The following SRRM4 variants were observed in gnomAD, a reference collection of about 807,000 sequenced individuals.
SRRM4 encodes the protein serine/arginine repetitive matrix protein 4.
SRRM4 carries 33 observed loss-of-function variants against 68.9 expected under a neutral mutation model. That is an observed-to-expected ratio of 0.48 (90% confidence interval 0.36 to 0.64). The LOEUF (loss-of-function observed/expected upper bound fraction) is 0.64, where lower values mean the gene tolerates loss of function less well. Among genes scored for constraint, SRRM4 ranks in the 30% least tolerant of loss-of-function variants. The probability of loss-of-function intolerance (pLI) is 0.00; values close to 1 mark genes in which losing one functional copy is unlikely to be tolerated. For missense variants in SRRM4, 817 were observed against 827.1 expected, an observed-to-expected ratio of 0.99 and a Z score of 0.15; for synonymous variants, 318 against 318.8, an observed-to-expected ratio of 1.00 and a Z score of 0.03.
At chr12:119,155,608 C>G (rs994574304) in intron 12 of SRRM4, among the ~76,000 whole-genome samples, 2 of 152,166 alleles carry the variant, frequency 1.3e-5, no homozygotes, top group Admixed American at 1.3e-4. Context: ...GTGGTGTGCA[C>G]CTGTGGTCCC....
At chr12:119,130,209 CA>C (rs1565915486) in intron 7 of SRRM4, among the ~76,000 whole-genome samples, 13 of 133,674 alleles carry the variant, frequency 9.7e-5, no homozygotes, top group South Asian at 2.9e-4. Context: ...GTTGCTTAGA[CA>C]GATAGATGGA....
intron 1 of SRRM4, among the ~76,000 whole-genome samples, chr12:119,089,085 G>A (rs968710544): frequency 6.6e-6 from 1 of 152,100 alleles, no homozygotes; most frequent in Non-Finnish European, 1.5e-5. Flanking sequence ...TGGTTGTTCA[G>A]TCCCTGCCCC....
intron 1 of SRRM4, among the ~76,000 whole-genome samples, chr12:119,033,393 C>T (rs559191181): frequency 1.4e-3 from 214 of 152,284 alleles, no homozygotes; most frequent in African/African-American, 4.3e-3. Flanking sequence ...CAGCCGGGTG[C>T]GGTGGCTCAC....
At chr12:119,039,391 T>G (rs1254327785) in intron 1 of SRRM4, among the ~76,000 whole-genome samples, 2 of 152,232 alleles carry the variant, frequency 1.3e-5, no homozygotes, top group Non-Finnish European at 2.9e-5. Flanking sequence ...ACATCAACTA[T>G]TTTCTTCTCT....
At chr12:119,031,475 T>C (rs143942871) in intron 1 of SRRM4, among the ~76,000 whole-genome samples, 232 of 152,328 alleles carry the variant, frequency 1.5e-3, no homozygotes, top group African/African-American at 5.5e-3. Context: ...TATATAAGAA[T>C]GTGAACACCA....
At chr12:119,003,432 G>A (rs942294089) in intron 1 of SRRM4, among the ~76,000 whole-genome samples, 2 of 151,898 alleles carry the variant, frequency 1.3e-5, no homozygotes, top group Non-Finnish European at 2.9e-5. Context: ...CAGCAACTGC[G>A]TAGATTGCTG....
chr12:119,067,577 G>T (rs563075348), intron 1 of SRRM4, among the ~76,000 whole-genome samples: 1 of 152,070 alleles, frequency 6.6e-6, no homozygotes, highest in Non-Finnish European at 1.5e-5. Flanking sequence ...GTACAGTGGC[G>T]CGTGCCTGTA....
chr12:119,111,919 G>T (rs560904378), intron 2 of SRRM4, among the ~76,000 whole-genome samples: 2 of 152,102 alleles, frequency 1.3e-5, no homozygotes, highest in African/African-American at 4.8e-5. Context: ...GGTGGCGGGG[G>T]CCTGTAGTCC....
At chr12:119,100,112 A>C (rs1954069244) in intron 1 of SRRM4, among the ~76,000 whole-genome samples, 1 of 152,068 alleles carries the variant, frequency 6.6e-6, no homozygotes, top group East Asian at 1.9e-4. Context: ...ACTTCTCAGG[A>C]AGGACTTCTC....
At chr12:119,134,086 A>C (rs551263664) in intron 8 of SRRM4, among the ~76,000 whole-genome samples, 1 of 152,226 alleles carries the variant, frequency 6.6e-6, no homozygotes, top group African/African-American at 2.4e-5. Flanking sequence ...GAGGAGCCCA[A>C]GCATGAAGGA....
chr12:119,006,947 C>T lies in SRRM4; in HGVS notation c.131+24934C>T, dbSNP rs1405935486. 2.6e-5 allele frequency among the ~76,000 whole-genome samples: 4 copies of T among 152,168 alleles called. No individual in the cohort carries two copies. The South Asian group carries it at 6.2e-4, about 24-fold the overall frequency. On this transcript the variant is annotated intron_variant, in intron 1 of 12. Transcript: ENST00000267260. Reference sequence around the variant, plus strand: ...CGAGCTGTGTGGGCTGGGAGGAGCCCGTGAGAAGGCAGGGCCTGCTTGGGA... The same window carrying T: ...CGAGCTGTGTGGGCTGGGAGGAGCCTGTGAGAAGGCAGGGCCTGCTTGGGA...
At position 119,161,420 on chromosome 12, in the gene SRRM4, T is replaced by C. The variant is rs1954512859; in HGVS notation, c.*4622T>C. On this transcript the variant is annotated 3_prime_UTR_variant, in exon 13 of 13. Transcript: ENST00000267260. ...TTCTGCACCAGTGAGCCAATGATAC[T>C]GACAGAAATGTCATCTCTCTTCTAT... is the stretch of plus-strand genomic sequence containing the variant. 6.6e-6 allele frequency: 1 copy of C among 152,234 alleles called. No individual in the cohort carries two copies. Among genetic ancestry groups the C allele is most frequent in the African/African-American group, 2.4e-5 (1 of 41,464 alleles). The allele number at this position is 152,234 out of a possible 1,614,324, so 9.4% of individuals were successfully genotyped here.
At chr12:119,106,859 G>T (rs2136044214) in intron 2 of SRRM4, among the ~76,000 whole-genome samples, 1 of 152,324 alleles carries the variant, frequency 6.6e-6, no homozygotes, top group South Asian at 2.1e-4. Flanking sequence ...GAACAGGAGT[G>T]GTGAGAGAGG....
chr12:119,076,313 A>G (rs1306624241), intron 1 of SRRM4, among the ~76,000 whole-genome samples: 4 of 133,156 alleles, frequency 3.0e-5, no homozygotes. Context: ...GTATTGTTAT[A>G]CCCACTTTAC....
At position 119,120,936 on chromosome 12, in the gene SRRM4, C is replaced by T. The variant is rs80321783; in HGVS notation, c.464+660C>T. ...GGAGTGACGATGGCTTCTTAAATAA[C>T]AATAACCACATCTAGAGCAATCTGC... On this transcript the variant is annotated intron_variant, in intron 5 of 12. Transcript: ENST00000267260. Among the ~76,000 whole-genome samples, 1,190 of 152,284 alleles carry T rather than the reference C, an allele frequency of 7.8e-3. 17 individuals carry two copies. Among genetic ancestry groups the T allele is most frequent in the African/African-American group, 0.026 (1,084 of 41,546 alleles).
At chr12:119,038,815 A>G (rs1044189933) in intron 1 of SRRM4, among the ~76,000 whole-genome samples, 17 of 152,174 alleles carry the variant, frequency 1.1e-4, no homozygotes, top group African/African-American at 3.9e-4. Flanking sequence ...ACGTGTTATC[A>G]GCTATTTGTA....
chr12:119,104,425 A>G (rs1954094930), intron 2 of SRRM4, among the ~76,000 whole-genome samples: 1 of 149,534 alleles, frequency 6.7e-6, no homozygotes, highest in Admixed American at 6.8e-5. Context: ...TAATGATGAT[A>G]ATAATAATAA....
chr12:119,016,454 TA>T (rs562002879), intron 1 of SRRM4, among the ~76,000 whole-genome samples: 2,356 of 138,510 alleles, frequency 0.017, 58 homozygotes, highest in African/African-American at 0.052. Flanking sequence ...ACGATGTAAT[TA>T]AAAAAAAAAA....
At chr12:119,018,867 A>C (rs1020475031) in intron 1 of SRRM4, among the ~76,000 whole-genome samples, 2 of 152,146 alleles carry the variant, frequency 1.3e-5, no homozygotes, top group Non-Finnish European at 2.9e-5. Flanking sequence ...AGGAATCATA[A>C]AGACCCCACT....
Sources: allele counts gnomAD v4.1 joint callset (sites outside exome capture counted in the v4.1 genomes callset), GRCh38; gene constraint gnomAD v4.1.1; transcripts MANE v1.5; gene names NCBI Gene and HGNC (gene_info 2026-07-23, HGNC 2026-07-21).